GALNT17: variants seen among roughly 807,000 people sequenced by gnomAD.
The protein encoded by GALNT17 is polypeptide N-acetylgalactosaminyltransferase 17.
GALNT17 carries 29 observed loss-of-function variants against 63.7 expected under a neutral mutation model. That is an observed-to-expected ratio of 0.46 (90% CI 0.34 to 0.62). The LOEUF (loss-of-function observed/expected upper bound fraction) is 0.62. Among genes scored for constraint, GALNT17 ranks in the 20% least tolerant of loss-of-function variants. The pLI is 0.01. For missense variants in GALNT17, 603 were observed against 799.6 expected (o/e 0.75, Z 2.97); for synonymous variants, 305 against 318.3 (o/e 0.96, Z 0.45).
rs144519088 is a variant in GALNT17, at chr7:71,151,035, G to A, written c.238+17995G>A. 5.7e-3 allele frequency among the ~76,000 whole-genome samples: 867 copies of A among 151,392 alleles called. 9 individuals are homozygous for A. Among genetic ancestry groups the A allele is most frequent in the African/African-American group, 0.019 (780 of 41,274 alleles). On this transcript the variant is annotated intron_variant, in intron 1 of 10. Transcript: ENST00000333538. ...TCCCTGAGTGACTAAGTGGAGCAGA[G>A]TACTGTGCTGTCCAGCCATCTCCTG...
chr7:71,425,366 G>C (rs1017485696), intron 5 of GALNT17, among the ~76,000 whole-genome samples: 3 of 152,058 alleles, frequency 2.0e-5, no homozygotes, highest in Non-Finnish European at 4.4e-5. Context: ...GCGACTACAG[G>C]TGCATGCCAC....
chr7:71,617,036 T>C (rs971487034), intron 6 of GALNT17, among the ~76,000 whole-genome samples: 8 of 138,532 alleles, frequency 5.8e-5, no homozygotes, highest in African/African-American at 2.1e-4. Flanking sequence ...ACTATATGAA[T>C]ATATAAATAT....
intron 1 of GALNT17, among the ~76,000 whole-genome samples, chr7:71,152,001 A>G (rs1788143725): frequency 6.6e-6 from 1 of 152,214 alleles, no homozygotes; most frequent in Non-Finnish European, 1.5e-5. Flanking sequence ...TGCATTCACA[A>G]GATAAAAATG....
At position 71,154,743 on chromosome 7, in the gene GALNT17, A is replaced by AT. The variant is rs796826943; in HGVS notation, c.238+21709dup. On this transcript the variant is annotated intron_variant, in intron 1 of 10. Coordinates refer to ENST00000333538, the MANE Select transcript of GALNT17 (RefSeq NM_022479.3). ...AGGCGCCCGCCACCATGCCCGGCTA[A>AT]TTTTTTGTATTTTTAGTAGAGATGG... is the stretch of plus-strand genomic sequence containing the variant. 6.8e-4 allele frequency among the ~76,000 whole-genome samples: 103 copies of AT among 151,642 alleles called. 1 individual carries two copies. Among genetic ancestry groups the AT allele is most frequent in the African/African-American group, 2.4e-3 (97 of 41,170 alleles).
chr7:71,496,507 C>T lies in GALNT17; in HGVS notation c.963-74778C>T, dbSNP rs1232993165. On this transcript the variant is annotated intron_variant, in intron 5 of 10. Coordinates refer to ENST00000333538, the MANE Select transcript of GALNT17 (RefSeq NM_022479.3). ...CAAAATGAGGACAGAGACCCCTCTC[C>T]GCACAGACATCGTCCAGTGACATAG... 3.3e-5 allele frequency among the ~76,000 whole-genome samples: 5 copies of T among 152,276 alleles called. No homozygotes were observed. The East Asian group carries it at 7.7e-4, about 24-fold the overall frequency.
chr7:71,168,074 A>G (rs1028245033), intron 1 of GALNT17, among the ~76,000 whole-genome samples: 4 of 152,196 alleles, frequency 2.6e-5, no homozygotes, highest in African/African-American at 9.6e-5. Context: ...GTTTTTACAT[A>G]TAGATATCCA....
chr7:71,699,079 G>A (rs1791588030), intron 9 of GALNT17, among the ~76,000 whole-genome samples: 1 of 147,944 alleles, frequency 6.8e-6, no homozygotes, highest in African/African-American at 2.5e-5. Flanking sequence ...GGCTGAGGCA[G>A]GAGAATTGCT....
intron 7 of GALNT17, among the ~76,000 whole-genome samples, chr7:71,669,433 C>T (rs1791033491): frequency 6.6e-6 from 1 of 151,926 alleles, no homozygotes; most frequent in South Asian, 2.1e-4. Flanking sequence ...ATCGCTTGAA[C>T]CCGGGAGGCC....
chr7:71,336,078 C>G (rs1791900622), intron 2 of GALNT17, among the ~76,000 whole-genome samples: 2 of 115,990 alleles, frequency 1.7e-5, no homozygotes, highest in Admixed American at 2.2e-4. Context: ...GAGTGTCGCT[C>G]TTGTTGCCCA....
intron 6 of GALNT17, among the ~76,000 whole-genome samples, chr7:71,592,449 C>A (rs1012976444): frequency 3.3e-5 from 5 of 151,120 alleles, no homozygotes; most frequent in Admixed American, 6.6e-5. Flanking sequence ...GAGCTGAGAT[C>A]GTGCCACTGC....
chr7:71,675,207 T>C (rs1299241101), intron 8 of GALNT17, among the ~76,000 whole-genome samples: 1 of 151,242 alleles, frequency 6.6e-6, no homozygotes, highest in Non-Finnish European at 1.5e-5. Context: ...AAAAAGAAGC[T>C]CTCCTTGTTG....
At chr7:71,239,830 A>G (rs1789961563) in intron 1 of GALNT17, among the ~76,000 whole-genome samples, 1 of 152,266 alleles carries the variant, frequency 6.6e-6, no homozygotes, top group Non-Finnish European at 1.5e-5. Context: ...CATTTAGGAA[A>G]TGCTGAGTGT....
chr7:71,535,451 G>A (rs1324407049), intron 5 of GALNT17, among the ~76,000 whole-genome samples: 1 of 152,106 alleles, frequency 6.6e-6, no homozygotes, highest in Non-Finnish European at 1.5e-5. Context: ...GCTCCCTGTC[G>A]ATGAGGACAC....
rs187089085 is a variant in GALNT17 at position 71,529,239 on chromosome 7, G to A, written c.963-42046G>A. 1.1e-3 allele frequency among the ~76,000 whole-genome samples: 171 copies of A among 152,126 alleles called. 1 individual carries two copies. The South Asian group carries it at 0.015, about 13-fold the overall frequency. ...GGAAAGCAAGGTTGCAACAGGAAGG[G>A]GATGAATAATTGTGTTGAATTAATA... On this transcript the variant is annotated intron_variant, in intron 5 of 10. Transcript: ENST00000333538.
chr7:71,692,085 GT>G, intron 9 of GALNT17, among the ~76,000 whole-genome samples: 1 of 152,008 alleles, frequency 6.6e-6, no homozygotes, highest in Admixed American at 6.6e-5. Context: ...TAATTTTTAA[GT>G]TTTTTATAGA....
intron 5 of GALNT17, among the ~76,000 whole-genome samples, chr7:71,449,204 C>T (rs1787216513): frequency 6.7e-6 from 1 of 149,722 alleles, no homozygotes; most frequent in Non-Finnish European, 1.5e-5. Context: ...CCCCCACCTA[C>T]CGGGTTCAAG....
chr7:71,660,373 C>T (rs1228415277), intron 6 of GALNT17, among the ~76,000 whole-genome samples: 1 of 152,214 alleles, frequency 6.6e-6, no homozygotes, highest in Non-Finnish European at 1.5e-5. Flanking sequence ...GTGTGAGGAG[C>T]CACAGCCTGG....
intron 2 of GALNT17, among the ~76,000 whole-genome samples, chr7:71,369,874 G>T (rs986244234): frequency 1.3e-5 from 2 of 151,612 alleles, no homozygotes; most frequent in Non-Finnish European, 2.9e-5. Flanking sequence ...GTGTCAGAGG[G>T]ATGGTCCAGA....
chr7:71,555,503 T>G (rs1584046743), intron 5 of GALNT17, among the ~76,000 whole-genome samples: 2 of 150,056 alleles, frequency 1.3e-5, no homozygotes, highest in African/African-American at 4.9e-5. Context: ...GGGTCTGCCC[T>G]CATGACCCAA....
Sources: allele counts gnomAD v4.1 joint callset (sites outside exome capture counted in the v4.1 genomes callset), GRCh38; gene constraint gnomAD v4.1.1; transcripts MANE v1.5; gene names NCBI Gene and HGNC (gene_info 2026-07-23, HGNC 2026-07-21).